EPHA8: variants seen among roughly 807,000 people sequenced by gnomAD.
EPHA8 encodes EPH receptor A8.
A neutral mutation model predicts 103.6 loss-of-function variants in EPHA8; 58 were observed. That is an observed-to-expected ratio of 0.56 (90% confidence interval 0.45 to 0.70). The LOEUF is 0.70. Ranked by LOEUF, EPHA8 falls within the 30% of genes least tolerant of loss-of-function variation. The pLI is 0.00. For synonymous variants in EPHA8, 559 were observed against 572.5 expected, an observed-to-expected ratio of 0.98 and a Z score of 0.34; for missense variants, 1,304 against 1,395.2, an observed-to-expected ratio of 0.93 and a Z score of 1.04.
chr1:22,585,501 C>T (rs1230063375), intron 3 of EPHA8, among the ~76,000 whole-genome samples: 1 of 152,208 alleles, frequency 6.6e-6, no homozygotes, highest in East Asian at 1.9e-4. Context: ...CCTTCCATCA[C>T]CTTAGCCCCC....
intron 9 of EPHA8, among the ~76,000 whole-genome samples, 184 bp downstream of exon 9, chr1:22,596,357 G>A (rs1641518585): frequency 6.6e-6 from 1 of 152,166 alleles, no homozygotes; most frequent in Admixed American, 6.5e-5. Context: ...CATGCCTCCT[G>A]GACTCTCAGA....
Position 22,601,818 on chromosome 1 carries a change from C to T in EPHA8, c.*77C>T, listed in dbSNP as rs2148274763. The T allele has an allele frequency of 7.2e-7, 1 of 1,394,396 alleles. No homozygotes were observed. The highest frequency in any genetic ancestry group is 2.1e-5 in the Admixed American group (1 of 47,386). The allele number at this position is 1,394,396 out of a possible 1,614,324, so 86.4% of individuals were successfully genotyped here. ...AGCGGCAGAGGACGTGAGGGGCTGG[C>T]AGCAGGCAGGGCGGCCCCAGGCCTC... is the stretch of plus-strand genomic sequence containing the variant. On this transcript the variant is annotated 3_prime_UTR_variant, in exon 17 of 17. Transcript: ENST00000166244.
At chr1:22,579,342 AGTGTATGTATGCGTGT>A (rs1640970386) in intron 3 of EPHA8, among the ~76,000 whole-genome samples, 1 of 138,140 alleles carries the variant, frequency 7.2e-6, no homozygotes, top group African/African-American at 3.0e-5. Flanking sequence ...TGTGTGCATG[AGTGTATGTATGCGTGT>A]GTGTATGTGT....
At chr1:22,582,778 G>A (rs999991904) in intron 3 of EPHA8, among the ~76,000 whole-genome samples, 1 of 152,190 alleles carries the variant, frequency 6.6e-6, no homozygotes, top group African/African-American at 2.4e-5. Flanking sequence ...GAAAGAGGAA[G>A]GGCCTCTCAG....
In EPHA8 at chr1:22,595,218, T is replaced by C. The variant is rs1641483435; in HGVS notation, c.1604-12T>C. 1.9e-6 allele frequency: 3 copies of C among 1,602,048 alleles called. No individual in the cohort carries two copies. In the East Asian group the frequency reaches 6.7e-5, roughly 36 times the overall value. On this transcript the variant is annotated splice_polypyrimidine_tract_variant and intron_variant, in intron 7 of 16. Transcript: ENST00000166244. ...GAGAGCCTGGTCCCCCAACCCTGGC[T>C]TTCCCCTGCAGGGCCCCGCTATGAC...
At position 22,601,707 on chromosome 1, in the gene EPHA8, T is replaced by G; in HGVS notation, c.2984T>G (p.Leu995Arg). 6.3e-7 allele frequency: 1 copy of G among 1,575,444 alleles called. No individual in the cohort carries two copies. Among genetic ancestry groups the G allele is most frequent in the South Asian group, 1.2e-5 (1 of 86,288 alleles). Reference sequence around the variant, plus strand: ...AGCATTCAGACCATGCGGGCCCAGCTGACCAGCACCCAGGGGCCCCGCCGG... The same window carrying G: ...AGCATTCAGACCATGCGGGCCCAGCGGACCAGCACCCAGGGGCCCCGCCGG... ...LGSIQTMRAQ[L>R]TSTQGPRRHL Residue 995 changes from leucine (L) to arginine (R), a missense_variant, in exon 17 of 17, where the codon CTG becomes CGG. Transcript: ENST00000166244.
intron 3 of EPHA8, among the ~76,000 whole-genome samples, chr1:22,578,509 A>C (rs1640874937): frequency 1.1e-5 from 1 of 94,948 alleles, no homozygotes; most frequent in Non-Finnish European, 2.2e-5. Context: ...TGAGTGCATT[A>C]GTGTATTATG....
chr1:22,578,080 T>TGTGTGTGCATGTAGCATCA (rs1553145629), intron 3 of EPHA8, among the ~76,000 whole-genome samples: 9 of 81,970 alleles, frequency 1.1e-4, no homozygotes, highest in African/African-American at 1.4e-4. Flanking sequence ...TATGTATGCA[T>TGTGTGTGCATGTAGCATCA]GTGTGTGCAT....
intron 5 of EPHA8, among the ~76,000 whole-genome samples, chr1:22,590,363 C>T (rs559906111): frequency 8.1e-4 from 124 of 152,286 alleles, no homozygotes; most frequent in African/African-American, 2.9e-3. Context: ...ACCTGCCTTC[C>T]CCTCCGGTCA....
Position 22,601,921 on chromosome 1 carries a change from A to G in EPHA8, c.*180A>G, listed in dbSNP as rs1641749672. 1 of 676,940 alleles carries G rather than the reference A, an allele frequency of 1.5e-6. No homozygotes were observed. Among genetic ancestry groups the G allele is most frequent in the Admixed American group, 3.1e-5 (1 of 32,380 alleles). The allele number at this position is 676,940 out of a possible 1,614,324, so 41.9% of individuals were successfully genotyped here. A position where few individuals can be genotyped will look rare whatever the true frequency, so the allele number is the denominator to read the frequency against. ...GTTATCAGGGGTCAGGCGCCTGGGA[A>G]GGGGCCTTTGGTGGCCACCCTGGTG... On this transcript the variant is annotated 3_prime_UTR_variant, in exon 17 of 17. Coordinates refer to ENST00000166244, the MANE Select transcript of EPHA8 (RefSeq NM_020526.5).
Position 22,592,896 on chromosome 1 carries a change from C to T in EPHA8, c.1316-430C>T, listed in dbSNP as rs143604707. 2.1e-3 allele frequency among the ~76,000 whole-genome samples: 326 copies of T among 152,248 alleles called. 2 individuals carry two copies. The highest frequency in any genetic ancestry group is 0.011 in the East Asian group (59 of 5,168). On this transcript the variant is annotated intron_variant, in intron 5 of 16. Transcript: ENST00000166244. The stretch of plus-strand genomic sequence containing the variant: ...GACTGGGAGAATACTTGGGGCTCAG[C>T]TCACCCCCTTCCCTCAGCATCCAGA...
chr1:22,568,859 A>G (rs1457850533), intron 1 of EPHA8, among the ~76,000 whole-genome samples: 1 of 152,204 alleles, frequency 6.6e-6, no homozygotes, highest in Non-Finnish European at 1.5e-5. Flanking sequence ...GCCCTGTGGG[A>G]CCGGAATTGT....
chr1:22,596,660 T>A (rs1201947024), intron 9 of EPHA8, among the ~76,000 whole-genome samples: 4 of 151,766 alleles, frequency 2.6e-5, no homozygotes. Context: ...ATTTTTTATT[T>A]TTTATTATTT....
rs1641779366 is a variant in EPHA8, at chr1:22,602,908, G to C, written c.*1167G>C. 1 of 152,496 alleles carries C rather than the reference G, an allele frequency of 6.6e-6. No individual in the cohort carries two copies. Among genetic ancestry groups the C allele is most frequent in the South Asian group, 2.1e-4 (1 of 4,832 alleles). The allele number at this position is 152,496 out of a possible 1,614,324, so 9.4% of individuals were successfully genotyped here. A position where few individuals can be genotyped will look rare whatever the true frequency, so the allele number is the denominator to read the frequency against. On this transcript the variant is annotated 3_prime_UTR_variant, in exon 17 of 17. Transcript: ENST00000166244. ...ACCATCCCACAAGGGCGCTGGGGGT[G>C]GAAGTGCCCTGGAAGCCCCTCCCCT...
Position 22,597,979 on chromosome 1 carries a change from G to C in EPHA8, c.2116+118G>C. On this transcript the variant is annotated intron_variant, in intron 11 of 16. Transcript: ENST00000166244. The surrounding 1 kb of genome is among the most constrained non-coding windows in gnomAD (Gnocchi z 4.6). ...CACCTGACCCTGTCCTCTTGGTTCA[G>C]GTCCCTGAATGACTCGGGGTGCCCA... The C allele has an allele frequency of 6.8e-7, 1 of 1,474,762 alleles. No individual in the cohort carries two copies. The highest frequency in any genetic ancestry group is 9.3e-7 in the Non-Finnish European group (1 of 1,073,568). The allele number at this position is 1,474,762 out of a possible 1,614,324, so 91.4% of individuals were successfully genotyped here. A position where few individuals can be genotyped will look rare whatever the true frequency, so the allele number is the denominator to read the frequency against.
chr1:22,600,623 G>T (rs772425706), intron 13 of EPHA8, 38 bp from the exon 14 acceptor site: 2 of 1,607,986 alleles, frequency 1.2e-6, no homozygotes, highest in African/African-American at 2.7e-5. Context: ...ACCCTGCCAG[G>T]CCTGGGCAGC....
chr1:22,597,529 C>A lies in EPHA8; in HGVS notation c.1930+53C>A. ...GCCAGCATGGGGCAAGGTGGGGGCA[C>A]CCAGGGCAAGGTGGGGGCACCCAGG... On this transcript the variant is annotated intron_variant, in intron 10 of 16. Transcript: ENST00000166244. This position sits in a 1 kb window ranked among gnomAD's most constrained non-coding sequence, Gnocchi z 4.6. 3 of 1,588,894 alleles carry A rather than the reference C, an allele frequency of 1.9e-6. No individual in the cohort carries two copies. Among genetic ancestry groups the A allele is most frequent in the Non-Finnish European group, 2.6e-6 (3 of 1,166,326 alleles).
At chr1:22,596,949 C>T (rs1446913324) in intron 9 of EPHA8, among the ~76,000 whole-genome samples, 6 of 152,176 alleles carry the variant, frequency 3.9e-5, no homozygotes, top group African/African-American at 1.4e-4. Context: ...TGAGCCATCA[C>T]GCCCAGCCAG....
Position 22,601,467 on chromosome 1 carries a change from A to G in EPHA8, c.2897A>G (p.Asn966Ser), listed in dbSNP as rs1641728004. 6.2e-7 allele frequency: 1 copy of G among 1,608,624 alleles called. No individual in the cohort carries two copies. The highest frequency in any genetic ancestry group is 8.5e-7 in the Non-Finnish European group (1 of 1,179,354). Residue 966 changes from asparagine to serine, a missense_variant, in exon 16 of 17, where the codon AAC becomes AGC. Coordinates refer to ENST00000166244, the MANE Select transcript of EPHA8 (RefSeq NM_020526.5). ...YSSLGMVLRM[N>S]AQDVRALGIT... ...TCTCTGGGCATGGTGCTACGCATGA[A>G]CGCCCAGTGAGTGATGGGTGGGGCT... is the stretch of plus-strand genomic sequence containing the variant.
Sources: gnomAD v4.1 joint callset for allele counts (sites outside exome capture counted in the v4.1 genomes callset) on GRCh38, gnomAD v4.1.1 for gene constraint, Gnocchi (gnomAD v3.1) non-coding constraint, MANE v1.5 for transcripts, NCBI Gene and HGNC (gene_info 2026-07-23, HGNC 2026-07-21) for gene names.